The following SLC45A1 variants were observed in gnomAD, a reference collection of about 807,000 sequenced individuals.
The protein encoded by SLC45A1 is proton-associated sugar transporter A.
Under a neutral mutation model 57.6 loss-of-function variants are expected in SLC45A1, and 28 were observed. That is an observed-to-expected ratio of 0.49 (90% CI 0.36 to 0.67). The LOEUF is 0.67. SLC45A1 is among the 30% of genes least tolerant of loss of function. SLC45A1 has a pLI of 0.00. For synonymous variants in SLC45A1, 459 were observed against 471.5 expected (o/e 0.97, Z 0.34); for missense variants, 814 against 1,041.5 (o/e 0.78, Z 3.01).
At chr1:8,319,791 G>T (rs548644176) in intron 1 of SLC45A1, among the ~76,000 whole-genome samples, 2 of 151,974 alleles carry the variant, frequency 1.3e-5, no homozygotes, top group Non-Finnish European at 2.9e-5. Flanking sequence ...ATCTCAGCTC[G>T]CTACAACCTC....
Position 8,339,473 on chromosome 1 carries a change from A to C in SLC45A1, c.1775-20A>C, listed in dbSNP as rs1569972458. ...AGGCTCTGGCCGTGTGGCACTGCTC[A>C]CCCTCTCTGTGGCCCGCAGCTATCC... On this transcript the variant is annotated intron_variant, in intron 7 of 8. Coordinates refer to ENST00000471889, the MANE Select transcript of SLC45A1 (RefSeq NM_001080397.3). 1 of 1,612,050 alleles carries C rather than the reference A, an allele frequency of 6.2e-7. No homozygotes were observed. Among genetic ancestry groups the C allele is most frequent in the African/African-American group, 1.3e-5 (1 of 74,482 alleles).
chr1:8,341,441 A>G (rs2124328835), intron 8 of SLC45A1, among the ~76,000 whole-genome samples: 1 of 151,316 alleles, frequency 6.6e-6, no homozygotes, highest in South Asian at 2.1e-4. Context: ...AGGCTGAGGC[A>G]GGAGAATGGC....
At chr1:8,341,748 C>A (rs1265490819) in intron 8 of SLC45A1, among the ~76,000 whole-genome samples, 2 of 151,340 alleles carry the variant, frequency 1.3e-5, no homozygotes, top group Non-Finnish European at 2.9e-5. Flanking sequence ...CATGACGAAA[C>A]CATGTCTACT....
rs775816584 is a variant in SLC45A1, at chr1:8,330,547, A to C, written c.1054A>C (p.Ile352Leu). ...CCTCACGCCCAAGTACGGCAGCTTC[A>C]TCAGCAGGGACAGCTCCCTGACGGG... The part of the protein sequence containing the change: ...SPLTPKYGSF[I>L]SRDSSLTGIS... Residue 352 changes from isoleucine (I) to leucine (L), a missense_variant, in exon 5 of 9, where the codon ATC (isoleucine) becomes CTC (leucine). Ile to Leu is a conservative substitution (Grantham distance 5, BLOSUM62 2). Coordinates refer to ENST00000471889, the MANE Select transcript of SLC45A1 (RefSeq NM_001080397.3). This position sits in a 1 kb window ranked among gnomAD's most constrained non-coding sequence, Gnocchi z 8.4. 6.2e-7 allele frequency: 1 copy of C among 1,613,256 alleles called. No individual in the cohort carries two copies. Among genetic ancestry groups the C allele is most frequent in the South Asian group, 1.1e-5 (1 of 91,080 alleles).
Position 8,326,967 on chromosome 1 carries a change from C to T in SLC45A1, c.715+925C>T, listed in dbSNP as rs779670610. On this transcript the variant is annotated intron_variant, in intron 4 of 8. Coordinates refer to ENST00000471889, the MANE Select transcript of SLC45A1 (RefSeq NM_001080397.3). This position sits in a 1 kb window ranked among gnomAD's most constrained non-coding sequence, Gnocchi z 5.5. ...TGCACTCCAGCCTGGGCAACAAGAG[C>T]GAACCTCCATCTCAAAAACAAACAA... Among the ~76,000 whole-genome samples the T allele has an allele frequency of 1.1e-4, 17 of 152,132 alleles. No homozygotes were observed. Among genetic ancestry groups the T allele is most frequent in the Non-Finnish European group, 1.6e-4 (11 of 68,054 alleles).
rs1416952858 is a variant in SLC45A1, at chr1:8,330,990, C to G, written c.1443+54C>G. 6.6e-7 allele frequency: 1 copy of G among 1,519,114 alleles called. No individual in the cohort carries two copies. 94.1% of individuals were successfully genotyped at this position (1,519,114 alleles called of 1,614,324 possible). ...CTCAGAGGGTGGCATTCGGGGGTCC[C>G]CTGGTCAGTTACATGACAAAGAGGG... On this transcript the variant is annotated intron_variant, in intron 5 of 8. Coordinates refer to ENST00000471889, the MANE Select transcript of SLC45A1 (RefSeq NM_001080397.3). The surrounding 1 kb of genome is among the most constrained non-coding windows in gnomAD (Gnocchi z 8.4).
At position 8,330,956 on chromosome 1, in the gene SLC45A1, G is replaced by A. The variant is rs1020384798; in HGVS notation, c.1443+20G>A. ...CAGCAGGTAACAGCAAATGTCGGGGGAGCTGAGGCTCAGAGGGTGGCATTC... is the reference window on the plus strand; with the variant it reads ...CAGCAGGTAACAGCAAATGTCGGGGAAGCTGAGGCTCAGAGGGTGGCATTC... On this transcript the variant is annotated intron_variant, in intron 5 of 8. Coordinates refer to ENST00000471889, the MANE Select transcript of SLC45A1 (RefSeq NM_001080397.3). The surrounding 1 kb of genome is among the most constrained non-coding windows in gnomAD (Gnocchi z 8.4). 1.3e-6 allele frequency: 2 copies of A among 1,561,438 alleles called. No individual in the cohort carries two copies. The highest frequency in any genetic ancestry group is 1.7e-6 in the Non-Finnish European group (2 of 1,151,328).
chr1:8,320,732 C>CACACA (rs1380787651), intron 1 of SLC45A1, among the ~76,000 whole-genome samples: 8 of 131,814 alleles, frequency 6.1e-5, no homozygotes, highest in African/African-American at 2.3e-4. Flanking sequence ...CACACACACA[C>CACACA]ACCTGCCATA....
chr1:8,334,712 AAAC>A (rs869151253), intron 5 of SLC45A1, among the ~76,000 whole-genome samples: 27 of 152,148 alleles, frequency 1.8e-4, no homozygotes, highest in African/African-American at 4.8e-4. Context: ...AAAACAACAA[AAAC>A]AACAACAACA....
At chr1:8,341,549 T>A (rs1640817943) in intron 8 of SLC45A1, among the ~76,000 whole-genome samples, 1 of 65,774 alleles carries the variant, frequency 1.5e-5, no homozygotes, top group Non-Finnish European at 2.8e-5. Context: ...AAAAAGATAG[T>A]AATACTTTGA....
At chr1:8,340,689 AG>A (rs2124326924) in intron 8 of SLC45A1, among the ~76,000 whole-genome samples, 1 of 152,260 alleles carries the variant, frequency 6.6e-6, no homozygotes, top group South Asian at 2.1e-4. Context: ...CGTGGGTATT[AG>A]GTGACAGTGT....
Position 8,326,127 on chromosome 1 carries a change from T to A in SLC45A1, c.715+85T>A. 9.9e-7 allele frequency: 1 copy of A among 1,012,186 alleles called. No homozygotes were observed. The highest frequency in any genetic ancestry group is 1.5e-6 in the Non-Finnish European group (1 of 681,182). The allele number at this position is 1,012,186 out of a possible 1,614,324, so 62.7% of individuals were successfully genotyped here. ...GCTTTCGAGGCCCTTCCTCACTCCC[T>A]GATTTAACAAAGAAGCTGGGAGAAT... On this transcript the variant is annotated intron_variant, in intron 4 of 8. Transcript: ENST00000471889. This position sits in a 1 kb window ranked among gnomAD's most constrained non-coding sequence, Gnocchi z 5.5.
intron 8 of SLC45A1, among the ~76,000 whole-genome samples, chr1:8,341,737 A>ACAT (rs1640824853): frequency 6.6e-6 from 1 of 151,180 alleles, no homozygotes; most frequent in African/African-American, 2.4e-5. Flanking sequence ...AGCCTGGCCA[A>ACAT]CATGACGAAA....
intron 6 of SLC45A1, chr1:8,336,250 A>G (rs1324744105): frequency 6.6e-6 from 1 of 152,110 alleles, no homozygotes; most frequent in Non-Finnish European, 1.5e-5. Context: ...TCTCTACTAA[A>G]AATACAAAAA....
At chr1:8,341,943 C>T (rs1227523644) in intron 8 of SLC45A1, among the ~76,000 whole-genome samples, 1 of 151,356 alleles carries the variant, frequency 6.6e-6, no homozygotes, top group Non-Finnish European at 1.5e-5. Flanking sequence ...TGCGGTGGCT[C>T]ACGCCTGTAA....
At chr1:8,337,518 AC>A (rs1640654423) in intron 6 of SLC45A1, among the ~76,000 whole-genome samples, 2 of 152,210 alleles carry the variant, frequency 1.3e-5, no homozygotes, top group African/African-American at 4.8e-5. Flanking sequence ...TCCCGGGTTC[AC>A]ACCATTCTCC....
intron 5 of SLC45A1, among the ~76,000 whole-genome samples, chr1:8,331,902 T>C (rs371644567): frequency 9.2e-5 from 14 of 151,972 alleles, no homozygotes; most frequent in South Asian, 2.1e-4. Flanking sequence ...ACGCCATTCT[T>C]CTGCCTCAGC....
intron 4 of SLC45A1, among the ~76,000 whole-genome samples, chr1:8,329,334 C>A (rs1400129775): frequency 1.3e-5 from 2 of 152,232 alleles, no homozygotes; most frequent in East Asian, 3.8e-4. Context: ...AGAGAACCCT[C>A]CTCTCCTCTC....
chr1:8,335,296 G>A lies in SLC45A1; in HGVS notation c.1444-141G>A, dbSNP rs946251709. On this transcript the variant is annotated intron_variant, in intron 5 of 8. Coordinates refer to ENST00000471889, the MANE Select transcript of SLC45A1 (RefSeq NM_001080397.3). This position sits in a 1 kb window ranked among gnomAD's most constrained non-coding sequence, Gnocchi z 4.1. ...CCTCTGAGGTTGGCGTCGACACGGG[G>A]CTCATGCCGTCAGATAAGAAGACAG... is the stretch of plus-strand genomic sequence containing the variant. 1.6e-5 allele frequency: 13 copies of A among 803,324 alleles called. No individual in the cohort carries two copies. The highest frequency in any genetic ancestry group is 2.3e-5 in the South Asian group (1 of 44,036). The allele number at this position is 803,324 out of a possible 1,614,324, so 49.8% of individuals were successfully genotyped here.
Sources: gnomAD v4.1 joint callset for allele counts (sites outside exome capture counted in the v4.1 genomes callset) on GRCh38, gnomAD v4.1.1 for gene constraint, Gnocchi (gnomAD v3.1) non-coding constraint, MANE v1.5 for transcripts, NCBI Gene and HGNC (gene_info 2026-07-23, HGNC 2026-07-21) for gene names.